SUCLG2: variants seen among roughly 807,000 people sequenced by gnomAD.
SUCLG2 encodes succinate--CoA ligase [GDP-forming] subunit beta, mitochondrial.
A neutral mutation model predicts 47.9 loss-of-function variants in SUCLG2; 42 were observed. The observed-to-expected ratio is 0.88, with a 90% CI of 0.69 to 1.14. The LOEUF (loss-of-function observed/expected upper bound fraction) is 1.14. Ranked by LOEUF, SUCLG2 falls within the 50% of genes most tolerant of loss-of-function variation. The probability of loss-of-function intolerance (pLI) is 0.00; values close to 1 mark genes in which losing one functional copy is unlikely to be tolerated. For synonymous variants in SUCLG2, 195 were observed against 197.3 expected (o/e 0.99, Z 0.10); for missense variants, 571 against 525.9 (o/e 1.09, Z -0.84).
intron 1 of SUCLG2, among the ~76,000 whole-genome samples, chr3:67,642,700 T>C (rs1431471082): frequency 6.6e-6 from 1 of 152,204 alleles, no homozygotes; most frequent in Non-Finnish European, 1.5e-5. Flanking sequence ...ATACTCAACA[T>C]GATAATCCTC....
chr3:67,551,248 C>G (rs1005808321), intron 2 of SUCLG2, among the ~76,000 whole-genome samples: 3 of 152,202 alleles, frequency 2.0e-5, no homozygotes, highest in Non-Finnish European at 2.9e-5. Context: ...GCCCTGCCAC[C>G]TTCTGATGGA....
chr3:67,422,190 CAGG>C lies in SUCLG2; in HGVS notation c.1063-21342_1063-21340del, dbSNP rs1254738302. ...CAGGGAAGTTTAAAAAAAGAACATTCAGGCTGGGCACAGTGGCTCATGCCTGTA... is the reference window on the plus strand; with the variant it reads ...CAGGGAAGTTTAAAAAAAGAACATTCCTGGGCACAGTGGCTCATGCCTGTA... On this transcript the variant is annotated intron_variant, in intron 9 of 10. Coordinates refer to ENST00000307227, the MANE Select transcript of SUCLG2 (RefSeq NM_003848.4). Among the ~76,000 whole-genome samples the C allele has an allele frequency of 2.2e-3, 338 of 152,002 alleles. 1 individual carries two copies. Among genetic ancestry groups the C allele is most frequent in the African/African-American group, 7.7e-3 (320 of 41,480 alleles).
At chr3:67,623,918 T>G (rs949542276) in intron 1 of SUCLG2, among the ~76,000 whole-genome samples, 6 of 152,222 alleles carry the variant, frequency 3.9e-5, no homozygotes, top group African/African-American at 1.4e-4. Context: ...GGGTCAAACA[T>G]GTCATCTCAA....
chr3:67,483,987 A>T (rs552937347), intron 9 of SUCLG2, among the ~76,000 whole-genome samples: 1 of 152,170 alleles, frequency 6.6e-6, no homozygotes, highest in Non-Finnish European at 1.5e-5. Context: ...CCCTTGCACT[A>T]GTGTGGGATT....
chr3:67,643,469 C>G (rs781078725), intron 1 of SUCLG2, among the ~76,000 whole-genome samples: 2 of 152,178 alleles, frequency 1.3e-5, no homozygotes, highest in Non-Finnish European at 2.9e-5. Context: ...CTATAGAAAA[C>G]TGGTTTGCTT....
At chr3:67,587,485 TA>T (rs776689061) in intron 2 of SUCLG2, among the ~76,000 whole-genome samples, 1 of 152,310 alleles carries the variant, frequency 6.6e-6, no homozygotes, top group East Asian at 1.9e-4. Context: ...AGTGAAACCT[TA>T]AAAGTGACAA....
chr3:67,526,136 AT>A (rs1246646433), intron 4 of SUCLG2, among the ~76,000 whole-genome samples: 1 of 152,194 alleles, frequency 6.6e-6, no homozygotes, highest in African/African-American at 2.4e-5. Context: ...GAAAGTGGAA[AT>A]GCAAAACAGG....
intron 1 of SUCLG2, among the ~76,000 whole-genome samples, chr3:67,644,748 A>C (rs1398590325): frequency 6.6e-6 from 1 of 152,042 alleles, no homozygotes; most frequent in Non-Finnish European, 1.5e-5. Context: ...GTATCTTTAG[A>C]AGCTTTGGAA....
At chr3:67,581,178 A>G (rs923351035) in intron 2 of SUCLG2, among the ~76,000 whole-genome samples, 4 of 152,228 alleles carry the variant, frequency 2.6e-5, no homozygotes, top group Non-Finnish European at 5.9e-5. Context: ...GCATGTCACC[A>G]ACGCTGGTTA....
intron 2 of SUCLG2, among the ~76,000 whole-genome samples, chr3:67,577,481 GACAT>G (rs1156293177): frequency 6.6e-6 from 1 of 152,140 alleles, no homozygotes; most frequent in African/African-American, 2.4e-5. Context: ...AGTAAAAGAA[GACAT>G]ACATGGAAAT....
chr3:67,644,477 G>C (rs892983344), intron 1 of SUCLG2, among the ~76,000 whole-genome samples: 67 of 152,226 alleles, frequency 4.4e-4, no homozygotes, highest in African/African-American at 1.6e-3. Flanking sequence ...AGGGACTAGG[G>C]GAAGGGGAGA....
intron 2 of SUCLG2, among the ~76,000 whole-genome samples, chr3:67,543,613 C>G (rs569790554): frequency 6.6e-6 from 1 of 152,062 alleles, no homozygotes; most frequent in Admixed American, 6.6e-5. Flanking sequence ...TGCAGTGAGC[C>G]ATGATTATGT....
intron 2 of SUCLG2, among the ~76,000 whole-genome samples, chr3:67,590,550 C>T (rs1488038947): frequency 1.3e-5 from 2 of 152,078 alleles, no homozygotes; most frequent in Non-Finnish European, 2.9e-5. Context: ...GACTATGGCA[C>T]CTCCCACCTC....
intron 4 of SUCLG2, among the ~76,000 whole-genome samples, chr3:67,523,222 T>A (rs1215901557): frequency 1.3e-5 from 2 of 152,216 alleles, no homozygotes; most frequent in African/African-American, 2.4e-5. Flanking sequence ...GATAAATATA[T>A]AATGATCTAA....
chr3:67,607,474 C>T (rs1338229082), intron 2 of SUCLG2, among the ~76,000 whole-genome samples: 2 of 151,910 alleles, frequency 1.3e-5, no homozygotes, highest in African/African-American at 2.4e-5. Flanking sequence ...CTTTAAAATA[C>T]TGACGTGGCT....
chr3:67,432,741 T>C (rs193022433), intron 9 of SUCLG2, among the ~76,000 whole-genome samples: 1 of 152,234 alleles, frequency 6.6e-6, no homozygotes, highest in Non-Finnish European at 1.5e-5. Flanking sequence ...CTGTCTTTTA[T>C]ATCCCTCTGG....
chr3:67,537,255 T>C (rs1260578413), intron 2 of SUCLG2, among the ~76,000 whole-genome samples: 3 of 152,082 alleles, frequency 2.0e-5, no homozygotes, highest in Admixed American at 1.3e-4. Context: ...GTGTGTGATG[T>C]TCCCCTCCCT....
intron 1 of SUCLG2, among the ~76,000 whole-genome samples, chr3:67,653,879 G>A (rs1415159442): frequency 6.6e-6 from 1 of 152,232 alleles, no homozygotes; most frequent in Non-Finnish European, 1.5e-5. Flanking sequence ...AGGAGGACAT[G>A]GACAGGGTCA....
At chr3:67,475,507 G>C (rs187464019) in intron 9 of SUCLG2, among the ~76,000 whole-genome samples, 3 of 152,176 alleles carry the variant, frequency 2.0e-5, no homozygotes, top group African/African-American at 7.2e-5. Context: ...TTTCCAAAGA[G>C]ATCCTGTAAC....
Sources: gnomAD v4.1 joint callset for allele counts (sites outside exome capture counted in the v4.1 genomes callset) on GRCh38, gnomAD v4.1.1 for gene constraint, MANE v1.5 for transcripts, NCBI Gene and HGNC (gene_info 2026-07-23, HGNC 2026-07-21) for gene names.